Variants in SLC17A4 observed in about 807,000 individuals in gnomAD.
SLC17A4 encodes the protein solute carrier family 17 member 4.
In SLC17A4, 33 loss-of-function variants were observed where a neutral mutation model predicts 52.5. The observed-to-expected ratio is 0.63, with a 90% CI of 0.48 to 0.84. The LOEUF (loss-of-function observed/expected upper bound fraction) is 0.84, where lower values mean the gene tolerates loss of function less well. Ranked by LOEUF, SLC17A4 falls within the 40% of genes least tolerant of loss-of-function variation. The probability of loss-of-function intolerance (pLI) is 0.00; values close to 1 mark genes in which losing one functional copy is unlikely to be tolerated. For missense variants in SLC17A4, 585 were observed against 597.1 expected (o/e 0.98, Z 0.21); for synonymous variants, 225 against 216.2 (o/e 1.04, Z -0.36).
intron 1 of SLC17A4, 121 bp from the exon 2 acceptor site, chr6:25,761,806 C>A (rs1178113062): frequency 1.7e-6 from 1 of 592,946 alleles, no homozygotes; most frequent in Non-Finnish European, 2.9e-6. Flanking sequence ...AGTTAGTTTT[C>A]ATAAACCCTA....
rs781096233 is a variant in SLC17A4, at chr6:25,776,634, A to T, written c.1027A>T (p.Ile343Phe). 3 of 1,613,324 alleles carry T rather than the reference A, an allele frequency of 1.9e-6. No individual in the cohort carries two copies. The highest frequency in any genetic ancestry group is 2.5e-6 in the Non-Finnish European group (3 of 1,179,596). ...LSALPFVVGC[I>F]CIILGGLLAD... The stretch of plus-strand genomic sequence containing the variant: ...TGCCTTGCCGTTTGTTGTTGGATGT[A>T]TCTGCATTATCCTTGGAGGTCTACT... Residue 343 changes from isoleucine to phenylalanine, a missense_variant, in exon 9 of 12, where the codon ATC becomes TTC. Physicochemically the swap from Ile to Phe is conservative, Grantham distance 21. Coordinates refer to ENST00000377905, the MANE Select transcript of SLC17A4 (RefSeq NM_005495.3).
chr6:25,774,285 G>A (rs1324906796), intron 8 of SLC17A4, among the ~76,000 whole-genome samples: 1 of 152,182 alleles, frequency 6.6e-6, no homozygotes, highest in African/African-American at 2.4e-5. Flanking sequence ...GCTGACAGGA[G>A]CCTTTCAATT....
intron 5 of SLC17A4, 47 bp from the exon 6 acceptor site, chr6:25,770,879 C>G (rs917250455): frequency 4.8e-6 from 7 of 1,466,070 alleles, no homozygotes; most frequent in Non-Finnish European, 6.7e-6. Context: ...ACATAGAGCC[C>G]CAAGACGAGT....
At chr6:25,759,600 T>C (rs1761354273) in intron 1 of SLC17A4, among the ~76,000 whole-genome samples, 1 of 152,166 alleles carries the variant, frequency 6.6e-6, no homozygotes, top group Admixed American at 6.5e-5. Context: ...TTGTCTGATG[T>C]AAGAATAGCT....
At chr6:25,778,608 G>A (rs982746424) in intron 11 of SLC17A4, among the ~76,000 whole-genome samples, 5 of 152,090 alleles carry the variant, frequency 3.3e-5, no homozygotes, top group Admixed American at 2.6e-4. Context: ...TCCTTCCCTT[G>A]TGAAACCTAT....
Position 25,773,618 on chromosome 6 carries a change from A to G in SLC17A4, c.931A>G (p.Ile311Val). 6.2e-7 allele frequency: 1 copy of G among 1,613,968 alleles called. No individual in the cohort carries two copies. Among genetic ancestry groups the G allele is most frequent in the Non-Finnish European group, 8.5e-7 (1 of 1,179,894 alleles). The change falls in exon 8 of 12, where the codon ATT becomes GTT. Residue 311 changes from isoleucine to valine, a missense_variant. Transcript: ENST00000377905. ...CTGTGAATACTGGCTTTTTTATACC[A>G]TTATGGCGTACACACCAACGTACAT... is the stretch of plus-strand genomic sequence containing the variant. The part of the protein sequence containing the change: ...YFCEYWLFYT[I>V]MAYTPTYISS...
intron 1 of SLC17A4, 56 bp from the exon 2 acceptor site, chr6:25,761,871 G>T: frequency 1.0e-6 from 1 of 998,610 alleles, no homozygotes; most frequent in Non-Finnish European, 1.5e-6. Context: ...GAAAGAATTG[G>T]GGTAATATCA....
chr6:25,756,338 A>G (rs571629713), intron 1 of SLC17A4, among the ~76,000 whole-genome samples: 1 of 152,218 alleles, frequency 6.6e-6, no homozygotes, highest in Admixed American at 6.5e-5. Flanking sequence ...TCTCCTTCTC[A>G]GTGTTCCCGT....
chr6:25,769,017 A>G lies in SLC17A4; in HGVS notation c.124A>G (p.Ile42Val), dbSNP rs768454227. ...FCSVRHGLAL[I>V]LQLCNFSIYT... ...TTCAGTCCGACATGGGCTGGCCCTC[A>G]TCTTGCAGCTCTGTAATTTTTCAAT... The change falls in exon 3 of 12, where the codon ATC becomes GTC. Residue 42 changes from isoleucine (I) to valine (V), a missense_variant. Physicochemically the swap from Ile to Val is conservative, Grantham distance 29. Coordinates refer to ENST00000377905, the MANE Select transcript of SLC17A4 (RefSeq NM_005495.3). The G allele has an allele frequency of 5.0e-6, 8 of 1,613,936 alleles. No homozygotes were observed. The East Asian group carries it at 1.3e-4, about 27-fold the overall frequency.
rs373911151 is a variant in SLC17A4 at position 25,779,145 on chromosome 6, A to T, written c.1451A>T (p.Asp484Val). The T allele has an allele frequency of 5.0e-6, 8 of 1,613,792 alleles. No individual in the cohort carries two copies. In the African/African-American group the frequency reaches 1.1e-4, roughly 22 times the overall value. ...TTCTACCTCATCTTTGGCCGAGCAG[A>T]TGTGCAGGACTGGGCTAAAGAGCAG... ...LVFYLIFGRA[D>V]VQDWAKEQTF... The change falls in exon 12 of 12, where the codon GAT (aspartate) becomes GTT (valine). Residue 484 changes from aspartate (D) to valine (V), a missense_variant. Asp to Val is a radical substitution (Grantham distance 152). Coordinates refer to ENST00000377905, the MANE Select transcript of SLC17A4 (RefSeq NM_005495.3).
chr6:25,773,990 C>G (rs1366564455), intron 8 of SLC17A4, among the ~76,000 whole-genome samples: 2 of 151,950 alleles, frequency 1.3e-5, no homozygotes, highest in African/African-American at 4.8e-5. Context: ...TATACTCAAT[C>G]CCATCAAAAT....
At chr6:25,765,366 A>G (rs1457837381) in intron 2 of SLC17A4, among the ~76,000 whole-genome samples, 2 of 152,190 alleles carry the variant, frequency 1.3e-5, no homozygotes, top group African/African-American at 4.8e-5. Flanking sequence ...CATCATCCCC[A>G]TTTTGTAGGA....
At chr6:25,765,005 C>T (rs759131869) in intron 2 of SLC17A4, among the ~76,000 whole-genome samples, 16 of 152,164 alleles carry the variant, frequency 1.1e-4, no homozygotes, top group Non-Finnish European at 1.5e-5. Flanking sequence ...TGCCACCAGC[C>T]CACCCACATA....
chr6:25,761,666 A>C (rs952944528), intron 1 of SLC17A4, among the ~76,000 whole-genome samples: 4 of 152,198 alleles, frequency 2.6e-5, no homozygotes, highest in Non-Finnish European at 5.9e-5. Context: ...CAGAACTAGA[A>C]AGGATATTAC....
chr6:25,763,716 C>T (rs1248716068), intron 2 of SLC17A4, among the ~76,000 whole-genome samples: 1 of 152,182 alleles, frequency 6.6e-6, no homozygotes, highest in Non-Finnish European at 1.5e-5. Context: ...AACCCAGAAA[C>T]CTTGAGTGAA....
In SLC17A4 at chr6:25,770,115, TC is replaced by T. The variant is rs774882083; in HGVS notation, c.349del (p.Leu117SerfsTer35). On this transcript the variant is annotated frameshift_variant, in exon 4 of 12. Coordinates refer to ENST00000377905, the MANE Select transcript of SLC17A4 (RefSeq NM_005495.3). LOFTEE classifies it high-confidence loss of function. ...TGAAATCCAGGGAATCATCCTCAGC[TC>T]CCTCAACTATGGCTCATTCTTGGCT... ...SPEIQGIILS[S>X]LNYGSFLAPI... 6.2e-7 allele frequency: 1 copy of T among 1,614,080 alleles called. No individual in the cohort carries two copies. Among genetic ancestry groups the T allele is most frequent in the Admixed American group, 1.7e-5 (1 of 60,008 alleles).
Position 25,773,690 on chromosome 6 carries a change from G to A in SLC17A4, c.987+16G>A. The A allele has an allele frequency of 6.2e-7, 1 of 1,609,194 alleles. No homozygotes were observed. Among genetic ancestry groups the A allele is most frequent in the Non-Finnish European group, 8.5e-7 (1 of 1,177,666 alleles). ...CCTCAGAGATGTAAGTACAGAGAAA[G>A]CTCATTCTGATCTTCTGTTTAAATG... On this transcript the variant is annotated intron_variant, in intron 8 of 11. Coordinates refer to ENST00000377905, the MANE Select transcript of SLC17A4 (RefSeq NM_005495.3).
chr6:25,776,979 C>T lies in SLC17A4; in HGVS notation c.1268+20C>T, dbSNP rs988767708. 1 of 1,592,684 alleles carries T rather than the reference C, an allele frequency of 6.3e-7. No homozygotes were observed. Among genetic ancestry groups the T allele is most frequent in the Non-Finnish European group, 8.6e-7 (1 of 1,169,246 alleles). On this transcript the variant is annotated intron_variant, in intron 10 of 11. Transcript: ENST00000377905. ...TCCTCGGTAGGGACCTCTTTTGCCT[C>T]ATCCTTTCAGACACTCAATTCAAGT... is the stretch of plus-strand genomic sequence containing the variant.
At chr6:25,770,322 A>T in intron 4 of SLC17A4, 22 bp downstream of exon 4, 1 of 1,613,860 alleles carries the variant, frequency 6.2e-7, no homozygotes, top group South Asian at 1.1e-5. Context: ...TTTTCCAGGT[A>T]TAAGTGGAAT....
Sources: gnomAD v4.1 joint callset for allele counts (sites outside exome capture counted in the v4.1 genomes callset) on GRCh38, gnomAD v4.1.1 for gene constraint, MANE v1.5 for transcripts, NCBI Gene and HGNC (gene_info 2026-07-23, HGNC 2026-07-21) for gene names.